The following BMP1 variants were observed in gnomAD, a reference collection of about 807,000 sequenced individuals.
BMP1 encodes mammalian tolloid protein.
A neutral mutation model predicts 116.8 loss-of-function variants in BMP1; 63 were observed. That is an observed-to-expected ratio of 0.54 (90% CI 0.44 to 0.67). BMP1 has a LOEUF of 0.67. Ranked by LOEUF, BMP1 falls within the 30% of genes least tolerant of loss-of-function variation. BMP1 has a pLI of 0.00. For missense variants in BMP1, 1,183 were observed against 1,358.9 expected (o/e 0.87, Z 2.04); for synonymous variants, 536 against 533.4 (o/e 1.00, Z -0.07).
At chr8:22,209,107 G>A (rs909420540) in intron 18 of BMP1, among the ~76,000 whole-genome samples, 2 of 152,168 alleles carry the variant, frequency 1.3e-5, no homozygotes, top group Admixed American at 6.5e-5. Context: ...AAGCTGTGGC[G>A]ACACTGGGCC....
chr8:22,165,381 C>T lies in BMP1; in HGVS notation c.-25C>T. ...CCCTCCCCTGGCCTCCAGTGCGCCG[C>T]TTCCCTCGCCGCCGCCCCGCCAGCA... On this transcript the variant is annotated 5_prime_UTR_variant, in exon 1 of 20. Coordinates refer to ENST00000306385, the MANE Select transcript of BMP1 (RefSeq NM_006129.5). The T allele has an allele frequency of 7.0e-7, 1 of 1,428,024 alleles. No homozygotes were observed. Among genetic ancestry groups the T allele is most frequent in the Non-Finnish European group, 9.1e-7 (1 of 1,097,000 alleles). 88.5% of individuals were successfully genotyped at this position (1,428,024 alleles called of 1,614,324 possible). A position where few individuals can be genotyped will look rare whatever the true frequency, so the allele number is the denominator to read the frequency against.
Position 22,211,890 on chromosome 8 carries a change from G to A in BMP1, c.*162G>A. ...ACTGTCCATAGGAGGTGGGGGAACT[G>A]GACTCCGGCATAAGCCACTTCCCCA... On this transcript the variant is annotated 3_prime_UTR_variant, in exon 20 of 20. Transcript: ENST00000306385. The A allele has an allele frequency of 9.2e-7, 1 of 1,092,106 alleles. No individual in the cohort carries two copies. 67.7% of individuals were successfully genotyped at this position (1,092,106 alleles called of 1,614,324 possible).
intron 15 of BMP1, chr8:22,201,486 T>C (rs1829262424): frequency 7.1e-7 from 1 of 1,400,736 alleles, no homozygotes; most frequent in African/African-American, 1.5e-5. Flanking sequence ...TCTTGCAGTC[T>C]GCTTGTCCAT....
At chr8:22,201,111 G>T in intron 15 of BMP1, 2 of 1,583,220 alleles carry the variant, frequency 1.3e-6, no homozygotes, top group Non-Finnish European at 1.7e-6. Context: ...TCTCTCTCTC[G>T]TTTCAGAAAA....
intron 15 of BMP1, among the ~76,000 whole-genome samples, chr8:22,200,704 T>C (rs188422568): frequency 6.6e-6 from 1 of 152,036 alleles, no homozygotes; most frequent in East Asian, 1.9e-4. Flanking sequence ...CGAGTGCGTG[T>C]GTCTGTCTAA....
rs1373798293 is a variant in BMP1, at chr8:22,207,412, G to A, written c.2471G>A (p.Ser824Asn). 17 of 1,614,048 alleles carry A rather than the reference G, an allele frequency of 1.1e-5. No individual in the cohort carries two copies. The highest frequency in any genetic ancestry group is 1.4e-5 in the Non-Finnish European group (17 of 1,180,048). The change falls in exon 18 of 20, where the codon AGC becomes AAC. Residue 824 changes from serine to asparagine, a missense_variant. Around this residue, in one of 4 missense-constraint regions of BMP1, gnomAD observed 956 missense variants for 1,135.2 expected, o/e 0.84. Transcript: ENST00000306385. ...KAPVLGRFCGSKKPEPVLATG... is the reference protein window; with the variant it reads ...KAPVLGRFCGNKKPEPVLATG... ...CCCGTCCTCGGCCGCTTCTGTGGGAGCAAGAAGCCCGAGCCCGTCCTGGCC... is the reference window on the plus strand; with the variant it reads ...CCCGTCCTCGGCCGCTTCTGTGGGAACAAGAAGCCCGAGCCCGTCCTGGCC...
At chr8:22,166,648 C>T (rs1206278757) in intron 1 of BMP1, among the ~76,000 whole-genome samples, 1 of 152,158 alleles carries the variant, frequency 6.6e-6, no homozygotes, top group Non-Finnish European at 1.5e-5. Context: ...GTGTGGGGCA[C>T]CAGGGGCGGA....
chr8:22,177,824 C>T (rs1445796488), intron 5 of BMP1, 28 bp from the exon 6 acceptor site: 3 of 1,551,302 alleles, frequency 1.9e-6, no homozygotes, highest in African/African-American at 2.7e-5. Flanking sequence ...CCTCCTCTCC[C>T]CCCACACCCT....
chr8:22,206,520 GAAAGA>G (rs1224995116), intron 16 of BMP1, among the ~76,000 whole-genome samples: 1 of 150,214 alleles, frequency 6.7e-6, no homozygotes, highest in African/African-American at 2.5e-5. Flanking sequence ...AAAAAAGAAA[GAAAGA>G]AAAGAAAAAT....
At chr8:22,190,338 A>G (rs1483168368) in intron 8 of BMP1, among the ~76,000 whole-genome samples, 1 of 152,220 alleles carries the variant, frequency 6.6e-6, no homozygotes, top group Admixed American at 6.5e-5. Flanking sequence ...TTTTAAAAAG[A>G]ATAGAAGAAA....
chr8:22,166,703 A>G (rs773733914), intron 1 of BMP1, among the ~76,000 whole-genome samples: 7 of 151,984 alleles, frequency 4.6e-5, no homozygotes, highest in Non-Finnish European at 8.8e-5. Context: ...CTGTTCAGGG[A>G]CTCTCCTGGG....
intron 1 of BMP1, among the ~76,000 whole-genome samples, chr8:22,166,472 G>T (rs1170727015): frequency 1.3e-5 from 2 of 152,238 alleles, no homozygotes; most frequent in African/African-American, 4.8e-5. Flanking sequence ...AGATGGCCAG[G>T]CACTCGGGCC....
chr8:22,172,607 C>CTTTTTT (rs368585884), intron 1 of BMP1, among the ~76,000 whole-genome samples: 2 of 97,318 alleles, frequency 2.1e-5, no homozygotes, highest in African/African-American at 4.6e-5. Context: ...TTTATTTCCT[C>CTTTTTT]TTTTTTTTTT....
At chr8:22,186,784 G>A (rs1226626645) in intron 8 of BMP1, among the ~76,000 whole-genome samples, 1 of 151,926 alleles carries the variant, frequency 6.6e-6, no homozygotes, top group Non-Finnish European at 1.5e-5. Context: ...ACTATAAAAT[G>A]AGCCTGGCAA....
rs200923529 is a variant in BMP1, at chr8:22,194,082, C to T, written c.1205C>T (p.Pro402Leu). Residue 402 changes from proline (P) to leucine (L), a missense_variant, in exon 10 of 20, where the codon CCT becomes CTT. Pro to Leu is a moderately conservative substitution (Grantham distance 98). Transcript: ENST00000306385. This position sits in a 1 kb window ranked among gnomAD's most constrained non-coding sequence, Gnocchi z 4.5. ...LRGRFCGSKL[P>L]EPIVSTDSRL... Reference sequence around the variant, plus strand: ...GGCCGCTTCTGCGGGTCCAAACTCCCTGAGCCTATCGTCTCCACTGACAGC... The same window carrying T: ...GGCCGCTTCTGCGGGTCCAAACTCCTTGAGCCTATCGTCTCCACTGACAGC... 1.9e-6 allele frequency: 3 copies of T among 1,614,240 alleles called. No homozygotes were observed. The African/African-American group carries it at 4.0e-5, about 22-fold the overall frequency.
chr8:22,186,895 A>G (rs935023869), intron 8 of BMP1, among the ~76,000 whole-genome samples: 27 of 152,270 alleles, frequency 1.8e-4, no homozygotes, highest in African/African-American at 6.5e-4. Context: ...GATTAAACAA[A>G]TTAATATACA....
chr8:22,191,973 T>C, intron 8 of BMP1, 76 bp from the exon 9 acceptor site: 1 of 1,344,532 alleles, frequency 7.4e-7, no homozygotes, highest in Non-Finnish European at 1.1e-6. Context: ...AGGCGGGCGG[T>C]GGTCATCATG....
intron 13 of BMP1, chr8:22,196,119 G>C: frequency 2.0e-6 from 1 of 501,032 alleles, no homozygotes; most frequent in South Asian, 1.4e-5. Context: ...TTCTTGGGGT[G>C]TTTTCGGGTT....
intron 13 of BMP1, 63 bp downstream of exon 13, chr8:22,195,650 A>G: frequency 7.6e-7 from 1 of 1,315,964 alleles, no homozygotes; most frequent in African/African-American, 1.6e-5. Flanking sequence ...CCTGCCCAGA[A>G]TTTTTTTTTT....
Sources: allele counts gnomAD v4.1 joint callset (sites outside exome capture counted in the v4.1 genomes callset), GRCh38; gene constraint gnomAD v4.1.1; regional missense constraint gnomAD v4.1.1; non-coding constraint Gnocchi (gnomAD v3.1); transcripts MANE v1.5; gene names NCBI Gene and HGNC (gene_info 2026-07-23, HGNC 2026-07-21).